The following RWDD2B variants were observed in gnomAD, a reference collection of about 807,000 sequenced individuals.
RWDD2B encodes the protein RWD domain-containing protein 2B.
A neutral mutation model predicts 33.6 loss-of-function variants in RWDD2B; 36 were observed. The ratio of observed to expected loss-of-function variants is 1.07; its 90% CI spans 0.82 to 1.42. The LOEUF (loss-of-function observed/expected upper bound fraction) is 1.42, where lower values mean the gene tolerates loss of function less well. Ranked by LOEUF, RWDD2B falls within the 40% of genes most tolerant of loss-of-function variation. The pLI is 0.00. For synonymous variants in RWDD2B, 126 were observed against 133.1 expected, an observed-to-expected ratio of 0.95 and a Z score of 0.37; for missense variants, 364 against 377.5, an observed-to-expected ratio of 0.96 and a Z score of 0.30.
chr21:29,008,396 A>AT lies in RWDD2B; in HGVS notation c.292dup (p.Met98AsnfsTer13). 1.2e-6 allele frequency: 2 copies of AT among 1,613,810 alleles called. No individual in the cohort carries two copies. Among genetic ancestry groups the AT allele is most frequent in the Non-Finnish European group, 1.7e-6 (2 of 1,179,868 alleles). ...CCTCTAAAAGCAAAACTGAATTACC[A>AT]TTTTTTCGTCAGATACATCCAGGTT... On this transcript the variant is annotated frameshift_variant and splice_region_variant, in exon 2 of 5. Coordinates refer to ENST00000493196, the MANE Select transcript of RWDD2B (RefSeq NM_016940.3). LOFTEE classifies it high-confidence loss of function.
chr21:29,013,067 G>C (rs1480190014), intron 1 of RWDD2B, among the ~76,000 whole-genome samples: 1 of 132,770 alleles, frequency 7.5e-6, no homozygotes, highest in Non-Finnish European at 1.6e-5. Context: ...TTTTTTTTGA[G>C]ACAGAGTCTC....
At chr21:29,009,395 T>G (rs1016242748) in intron 1 of RWDD2B, among the ~76,000 whole-genome samples, 4 of 147,572 alleles carry the variant, frequency 2.7e-5, no homozygotes, top group Admixed American at 1.4e-4. Flanking sequence ...TTTATTAGTT[T>G]TTTTTTTTTT....
intron 1 of RWDD2B, among the ~76,000 whole-genome samples, chr21:29,015,950 GT>G (rs2084888240): frequency 6.6e-6 from 1 of 152,174 alleles, no homozygotes; most frequent in East Asian, 1.9e-4. Context: ...CAAGAGGGGT[GT>G]TCAGTATTCT....
chr21:29,010,879 G>A (rs1332030410), intron 1 of RWDD2B, among the ~76,000 whole-genome samples: 10 of 152,098 alleles, frequency 6.6e-5, no homozygotes, highest in African/African-American at 1.4e-4. Context: ...TGTGTTGGCC[G>A]GGCTGGTCTC....
chr21:29,019,254 C>G lies in RWDD2B; in HGVS notation c.24G>C (p.Gln8His). ...CACTGCTGTAACCCGGGTTCCATGG[C>G]TGCATGGACAGCTCAATTTTCATCA... MKIELSM[Q>H]PWNPGYSSEG... The change falls in exon 1 of 5, where the codon CAG (glutamine) becomes CAC (histidine). Residue 8 changes from glutamine (Q) to histidine (H), a missense_variant. By Grantham distance (24) the Gln-to-His change is conservative (BLOSUM62 0). Coordinates refer to ENST00000493196, the MANE Select transcript of RWDD2B (RefSeq NM_016940.3). The G allele has an allele frequency of 1.2e-6, 2 of 1,605,994 alleles. No individual in the cohort carries two copies. Among genetic ancestry groups the G allele is most frequent in the Non-Finnish European group, 1.7e-6 (2 of 1,176,788 alleles).
rs147951161 is a variant in RWDD2B at position 29,007,985 on chromosome 21, G to A, written c.501C>T (p.Ser167=). ...WVREHASGYV[S]RDTSSSPTTG... ...TGGTGGGTGAAGATGAAGTATCTCT[G>A]CTGACATAGCCAGAGGCGTGTTCTC... is the stretch of plus-strand genomic sequence containing the variant. The change falls in exon 4 of 5, where the codon AGC becomes AGT. Residue 167 remains serine (S), a synonymous_variant. Coordinates refer to ENST00000493196, the MANE Select transcript of RWDD2B (RefSeq NM_016940.3). The A allele has an allele frequency of 7.1e-5, 115 of 1,614,104 alleles. No homozygotes were observed. The highest frequency in any genetic ancestry group is 1.6e-4 in the Middle Eastern group (1 of 6,084).
chr21:29,019,346 A>T lies in RWDD2B; in HGVS notation c.-69T>A. 9.5e-7 allele frequency: 1 copy of T among 1,055,818 alleles called. No homozygotes were observed. The highest frequency in any genetic ancestry group is 1.3e-6 in the Non-Finnish European group (1 of 774,054). 65.4% of individuals were successfully genotyped at this position (1,055,818 alleles called of 1,614,324 possible). Reference sequence around the variant, plus strand: ...TACAAACCGCCTCAGCTGGCGACCTACCGGAAAAAAAAAAAAAAAGCATGC... The same window carrying T: ...TACAAACCGCCTCAGCTGGCGACCTTCCGGAAAAAAAAAAAAAAAGCATGC... On this transcript the variant is annotated 5_prime_UTR_variant, in exon 1 of 5. Transcript: ENST00000493196.
chr21:29,017,928 G>A (rs1345820255), intron 1 of RWDD2B, among the ~76,000 whole-genome samples: 10 of 152,206 alleles, frequency 6.6e-5, no homozygotes, highest in Admixed American at 6.5e-4. Context: ...AGTTTAGTAA[G>A]GAAATGTGGG....
chr21:29,007,821 C>G lies in RWDD2B; in HGVS notation c.665G>C (p.Gly222Ala). The G allele has an allele frequency of 1.9e-6, 3 of 1,614,202 alleles. No homozygotes were observed. Among genetic ancestry groups the G allele is most frequent in the Non-Finnish European group, 2.5e-6 (3 of 1,180,024 alleles). Residue 222 changes from glycine to alanine, a missense_variant, in exon 4 of 5, where the codon GGA becomes GCA. Gly to Ala is a moderately conservative substitution (Grantham distance 60). Transcript: ENST00000493196. Reference sequence around the variant, plus strand: ...TTCCACACAAACAACACCAGGTTTTCCAGGCATGCTAAACCCAGACAGGGA... The same window carrying G: ...TTCCACACAAACAACACCAGGTTTTGCAGGCATGCTAAACCCAGACAGGGA... Reference protein sequence around the residue: ...ELSLSGFSMPGKPGVVCVEGP... With the variant: ...ELSLSGFSMPAKPGVVCVEGP...
At position 29,006,533 on chromosome 21, in the gene RWDD2B, A is replaced by G. The variant is rs1408188155; in HGVS notation, c.844T>C (p.Phe282Leu). ...TTTCCCCTGGCTCCATTAACACTGA[A>G]CACTTTTTCTTCAAAAATGGAAAAT... is the stretch of plus-strand genomic sequence containing the variant. ...RKFSIFEEKV[F>L]SVNGARGNHM... Residue 282 changes from phenylalanine to leucine, a missense_variant, in exon 5 of 5, where the codon TTC (phenylalanine) becomes CTC (leucine). Coordinates refer to ENST00000493196, the MANE Select transcript of RWDD2B (RefSeq NM_016940.3). 6.2e-7 allele frequency: 1 copy of G among 1,613,560 alleles called. No homozygotes were observed. Among genetic ancestry groups the G allele is most frequent in the East Asian group, 2.2e-5 (1 of 44,872 alleles).
chr21:29,011,871 C>T (rs527384614), intron 1 of RWDD2B, among the ~76,000 whole-genome samples: 153 of 122,050 alleles, frequency 1.3e-3, no homozygotes, highest in South Asian at 3.1e-3. Context: ...CCCGGCCAGC[C>T]GCCCCGTCCG....
chr21:29,008,208 C>A (rs376269822), intron 3 of RWDD2B, 32 bp downstream of exon 3: 4 of 1,612,280 alleles, frequency 2.5e-6, no homozygotes, highest in Non-Finnish European at 3.4e-6. Flanking sequence ...TAATTTTGAC[C>A]TCCAAAGTTG....
rs2084836017 is a variant in RWDD2B at position 29,007,830 on chromosome 21, C to A, written c.656G>T (p.Ser219Ile). Reference sequence around the variant, plus strand: ...AACAACACCAGGTTTTCCAGGCATGCTAAACCCAGACAGGGAAAGCTCCTT... The same window carrying A: ...AACAACACCAGGTTTTCCAGGCATGATAAACCCAGACAGGGAAAGCTCCTT... ...WAKELSLSGF[S>I]MPGKPGVVCV... The change falls in exon 4 of 5, where the codon AGC becomes ATC. Residue 219 changes from serine (S) to isoleucine (I), a missense_variant. By Grantham distance (142) the Ser-to-Ile change is moderately radical. Transcript: ENST00000493196. 3 of 1,614,116 alleles carry A rather than the reference C, an allele frequency of 1.9e-6. No homozygotes were observed. Among genetic ancestry groups the A allele is most frequent in the Admixed American group, 3.3e-5 (2 of 60,008 alleles).
At chr21:29,013,727 A>G (rs2146339622) in intron 1 of RWDD2B, among the ~76,000 whole-genome samples, 1 of 152,110 alleles carries the variant, frequency 6.6e-6, no homozygotes, top group South Asian at 2.1e-4. Context: ...ATTAATACAG[A>G]AAAAGACGAT....
intron 1 of RWDD2B, among the ~76,000 whole-genome samples, chr21:29,010,720 C>T (rs1365022258): frequency 4.0e-5 from 6 of 151,844 alleles, no homozygotes; most frequent in Admixed American, 2.0e-4. Context: ...GATTCCGAGC[C>T]GAAGCTGGAC....
Position 29,004,401 on chromosome 21 carries a change from A to G in RWDD2B, c.*2016T>C, listed in dbSNP as rs905783130. 1.3e-5 allele frequency: 2 copies of G among 152,232 alleles called. No individual in the cohort carries two copies. The highest frequency in any genetic ancestry group is 4.8e-5 in the African/African-American group (2 of 41,472). 9.4% of individuals were successfully genotyped at this position (152,232 alleles called of 1,614,324 possible). A position where few individuals can be genotyped will look rare whatever the true frequency, so the allele number is the denominator to read the frequency against. On this transcript the variant is annotated 3_prime_UTR_variant, in exon 5 of 5. Transcript: ENST00000493196. ...CTACTCTGTTGCATTCTATGTGTTTATGTGACATTTGAGATCTGCATATTA... is the reference window on the plus strand; with the variant it reads ...CTACTCTGTTGCATTCTATGTGTTTGTGTGACATTTGAGATCTGCATATTA...
At chr21:29,017,538 G>A (rs2084896378) in intron 1 of RWDD2B, among the ~76,000 whole-genome samples, 1 of 152,030 alleles carries the variant, frequency 6.6e-6, no homozygotes, top group Admixed American at 6.5e-5. Flanking sequence ...CTTGAACTGG[G>A]GAGGCGGAGG....
At chr21:29,011,459 CCCCT>C (rs2084858590) in intron 1 of RWDD2B, among the ~76,000 whole-genome samples, 2 of 149,702 alleles carry the variant, frequency 1.3e-5, no homozygotes, top group Admixed American at 1.3e-4. Flanking sequence ...AAGTGAGGAG[CCCCT>C]CCGCCCAGCA....
chr21:29,013,348 A>C (rs1214526755), intron 1 of RWDD2B, among the ~76,000 whole-genome samples: 10 of 152,194 alleles, frequency 6.6e-5, no homozygotes, highest in Admixed American at 6.5e-4. Context: ...AAACATTAGA[A>C]TAATTTTGTT....
Sources: allele counts gnomAD v4.1 joint callset (sites outside exome capture counted in the v4.1 genomes callset), GRCh38; gene constraint gnomAD v4.1.1; transcripts MANE v1.5; gene names NCBI Gene and HGNC (gene_info 2026-07-23, HGNC 2026-07-21).